The following CTNND2 variants were observed in gnomAD, a reference collection of about 807,000 sequenced individuals.
CTNND2 encodes the protein catenin delta 2, also known as catenin delta-2.
In CTNND2, 22 loss-of-function variants were observed where a neutral mutation model predicts 144.4. The observed-to-expected ratio is 0.15, with a 90% CI of 0.11 to 0.22. The LOEUF is 0.22. Among genes scored for constraint, CTNND2 ranks in the 10% least tolerant of loss-of-function variants. CTNND2 has a pLI of 1.00. For missense variants in CTNND2, 1,353 were observed against 1,618.8 expected, an observed-to-expected ratio of 0.84 and a Z score of 2.82; for synonymous variants, 751 against 695.6, an observed-to-expected ratio of 1.08 and a Z score of -1.25.
intron 1 of CTNND2, among the ~76,000 whole-genome samples, chr5:11,891,848 C>A (rs944520296): frequency 1.3e-5 from 2 of 152,218 alleles, no homozygotes; most frequent in African/African-American, 2.4e-5. Context: ...TGCACTATCA[C>A]TTGACATTGG....
chr5:11,730,101 C>T (rs1279805056), intron 2 of CTNND2, among the ~76,000 whole-genome samples: 2 of 152,062 alleles, frequency 1.3e-5, no homozygotes, highest in Non-Finnish European at 2.9e-5. Context: ...CACATATTTT[C>T]TCTTGGACTA....
intron 14 of CTNND2, among the ~76,000 whole-genome samples, chr5:11,103,957 G>C (rs1752165183): frequency 6.6e-6 from 1 of 152,144 alleles, no homozygotes; most frequent in African/African-American, 2.4e-5. Context: ...GTATGGAGAA[G>C]GATTTCCATT....
chr5:11,396,288 T>C (rs1760125002), intron 6 of CTNND2, among the ~76,000 whole-genome samples: 2 of 152,148 alleles, frequency 1.3e-5, no homozygotes, highest in Non-Finnish European at 2.9e-5. Context: ...AAAATTATAC[T>C]CTGGTGGGTA....
chr5:11,498,098 G>A (rs1165157565), intron 3 of CTNND2, among the ~76,000 whole-genome samples: 1 of 152,214 alleles, frequency 6.6e-6, no homozygotes, highest in South Asian at 2.1e-4. Context: ...CAGGCACAAT[G>A]TGCATGATTG....
intron 14 of CTNND2, among the ~76,000 whole-genome samples, chr5:11,099,304 G>C (rs1354143255): frequency 6.6e-6 from 1 of 152,118 alleles, no homozygotes; most frequent in South Asian, 2.1e-4. Context: ...TAGTCTATTA[G>C]ACACAATGAC....
At chr5:11,574,302 G>T (rs1777803256) in intron 2 of CTNND2, among the ~76,000 whole-genome samples, 1 of 152,152 alleles carries the variant, frequency 6.6e-6, no homozygotes, top group African/African-American at 2.4e-5. Context: ...TTATTCCAAT[G>T]TTGACTCAAT....
intron 9 of CTNND2, among the ~76,000 whole-genome samples, chr5:11,263,289 A>G (rs1226808948): frequency 6.6e-6 from 1 of 152,234 alleles, no homozygotes; most frequent in Non-Finnish European, 1.5e-5. Context: ...TTCAAATATG[A>G]AATGCATCTC....
At chr5:11,109,233 A>G (rs1280403907) in intron 14 of CTNND2, among the ~76,000 whole-genome samples, 1 of 152,242 alleles carries the variant, frequency 6.6e-6, no homozygotes, top group Non-Finnish European at 1.5e-5. Context: ...ACACTTCTGC[A>G]CACAGGAGCT....
At chr5:10,976,553 G>A (rs764711774) in intron 21 of CTNND2, among the ~76,000 whole-genome samples, 7 of 152,174 alleles carry the variant, frequency 4.6e-5, no homozygotes, top group Non-Finnish European at 8.8e-5. Context: ...TTGGAAAGGG[G>A]TGGTGACCAG....
chr5:11,520,364 G>T (rs185056), intron 3 of CTNND2, among the ~76,000 whole-genome samples: 1,897 of 152,156 alleles, frequency 0.012, 24 homozygotes, highest in African/African-American at 0.038. Flanking sequence ...TAAAGAGAAA[G>T]GCCTGGTCAG....
chr5:11,817,577 C>A (rs1004273585), intron 1 of CTNND2, among the ~76,000 whole-genome samples: 1 of 151,532 alleles, frequency 6.6e-6, no homozygotes, highest in South Asian at 2.1e-4. Flanking sequence ...AGGGGGGAAG[C>A]GGAGGGGACA....
At chr5:11,265,948 G>A (rs1157157018) in intron 9 of CTNND2, among the ~76,000 whole-genome samples, 1 of 151,966 alleles carries the variant, frequency 6.6e-6, no homozygotes, top group Non-Finnish European at 1.5e-5. Context: ...CTGACCTTGT[G>A]ATCTGCCCAC....
At chr5:11,848,136 A>C (rs998027947) in intron 1 of CTNND2, among the ~76,000 whole-genome samples, 2 of 152,060 alleles carry the variant, frequency 1.3e-5, no homozygotes, top group African/African-American at 4.8e-5. Context: ...TTTACACTTT[A>C]ATTTCTTTTA....
intron 10 of CTNND2, among the ~76,000 whole-genome samples, chr5:11,220,077 T>C (rs141369389): frequency 6.6e-6 from 1 of 152,158 alleles, no homozygotes; most frequent in Non-Finnish European, 1.5e-5. Flanking sequence ...TAAACGATAT[T>C]ATTATTAGTG....
At chr5:11,886,759 A>C (rs1736566387) in intron 1 of CTNND2, among the ~76,000 whole-genome samples, 1 of 152,154 alleles carries the variant, frequency 6.6e-6, no homozygotes, top group African/African-American at 2.4e-5. Flanking sequence ...GATGATTCAT[A>C]AAATAAAGAG....
At chr5:11,502,722 G>A (rs1443549757) in intron 3 of CTNND2, among the ~76,000 whole-genome samples, 1 of 152,046 alleles carries the variant, frequency 6.6e-6, no homozygotes, top group Non-Finnish European at 1.5e-5. Flanking sequence ...ACATCCCCTT[G>A]TCTAAGATTT....
chr5:11,078,854 C>A (rs1272509914), intron 16 of CTNND2, among the ~76,000 whole-genome samples: 1 of 152,194 alleles, frequency 6.6e-6, no homozygotes, highest in Non-Finnish European at 1.5e-5. Flanking sequence ...CAGATCTACA[C>A]AATTCACAGA....
At chr5:11,242,961 A>G (rs28419397) in intron 9 of CTNND2, among the ~76,000 whole-genome samples, 38,381 of 152,124 alleles carry the variant, frequency 0.25, 5,025 homozygotes, top group Middle Eastern at 0.34. Flanking sequence ...AAAGTGCTTG[A>G]TCAACTACTA....
intron 2 of CTNND2, among the ~76,000 whole-genome samples, chr5:11,681,386 C>T (rs1784415449): frequency 6.6e-6 from 1 of 152,136 alleles, no homozygotes; most frequent in Non-Finnish European, 1.5e-5. Context: ...TTCAAAAGAA[C>T]ATGAAGTCAA....
Sources: gnomAD v4.1 joint callset for allele counts (sites outside exome capture counted in the v4.1 genomes callset) on GRCh38, gnomAD v4.1.1 for gene constraint, MANE v1.5 for transcripts, NCBI Gene and HGNC (gene_info 2026-07-23, HGNC 2026-07-21) for gene names.